The following ARHGAP10 variants were observed in gnomAD, a reference collection of about 807,000 sequenced individuals.
ARHGAP10 encodes the protein Rho GTPase activating protein 10.
A neutral mutation model predicts 108.6 loss-of-function variants in ARHGAP10; 87 were observed. That is an observed-to-expected ratio of 0.80 (90% confidence interval 0.67 to 0.96). ARHGAP10 has a LOEUF of 0.96. Ranked by LOEUF, ARHGAP10 falls within the 40% of genes least tolerant of loss-of-function variation. ARHGAP10 has a pLI of 0.00. For missense variants in ARHGAP10, 939 were observed against 954.5 expected (o/e 0.98, Z 0.21); for synonymous variants, 347 against 341.1 (o/e 1.02, Z -0.19).
chr4:147,755,720 T>A (rs190342863), intron 1 of ARHGAP10, among the ~76,000 whole-genome samples: 33 of 152,300 alleles, frequency 2.2e-4, no homozygotes, highest in Admixed American at 3.3e-4. Flanking sequence ...TTATATAGTG[T>A]AGGTGATATT....
intron 1 of ARHGAP10, among the ~76,000 whole-genome samples, chr4:147,748,006 C>G (rs1173447598): frequency 6.6e-6 from 1 of 152,146 alleles, no homozygotes; most frequent in Non-Finnish European, 1.5e-5. Context: ...GCTAAACACC[C>G]TGCAGTGCAC....
chr4:147,854,592 A>T, intron 4 of ARHGAP10: 1 of 488,818 alleles, frequency 2.0e-6, no homozygotes, highest in Non-Finnish European at 2.7e-6. Flanking sequence ...TTTTTTCTGT[A>T]ATGCAGTATT....
At chr4:148,001,696 A>G (rs371954052) in intron 18 of ARHGAP10, among the ~76,000 whole-genome samples, 3 of 151,838 alleles carry the variant, frequency 2.0e-5, no homozygotes, top group Admixed American at 6.6e-5. Context: ...GAGTTCACTC[A>G]TGATTTGGCT....
chr4:147,902,367 A>G (rs1365603943), intron 10 of ARHGAP10, among the ~76,000 whole-genome samples: 1 of 152,212 alleles, frequency 6.6e-6, no homozygotes, highest in East Asian at 1.9e-4. Context: ...TTAAATCCTT[A>G]GCATGGTGTA....
intron 20 of ARHGAP10, among the ~76,000 whole-genome samples, chr4:148,058,375 G>A (rs1310815287): frequency 6.6e-6 from 1 of 152,186 alleles, no homozygotes; most frequent in African/African-American, 2.4e-5. Context: ...CTTCAAATAA[G>A]CATTCATTTC....
intron 18 of ARHGAP10, among the ~76,000 whole-genome samples, chr4:147,981,740 G>A (rs1259005583): frequency 6.6e-6 from 1 of 152,214 alleles, no homozygotes; most frequent in Non-Finnish European, 1.5e-5. Flanking sequence ...GTGTGCCAGT[G>A]TTGGGTGCAA....
In ARHGAP10 at chr4:148,046,919, A is replaced by G. The variant is rs1420393965; in HGVS notation, c.1895A>G (p.Asp632Gly). 2 of 1,613,760 alleles carry G rather than the reference A, an allele frequency of 1.2e-6. No homozygotes were observed. Among genetic ancestry groups the G allele is most frequent in the Non-Finnish European group, 1.7e-6 (2 of 1,179,944 alleles). Residue 632 changes from aspartate to glycine, a missense_variant, in exon 20 of 23, where the codon GAC (aspartate) becomes GGC (glycine). Physicochemically the swap from Asp to Gly is moderately conservative, Grantham distance 94. Transcript: ENST00000336498. ...GACAATCCTTACCCTTCCAAGGAGG[A>G]CACCCCTACCAGCAGTCTGGACTCA... Reference protein sequence around the residue: ...DGDNPYPSKEDTPTSSLDSLS... With the variant: ...DGDNPYPSKEGTPTSSLDSLS...
At chr4:148,004,675 C>T (rs1216245302) in intron 18 of ARHGAP10, among the ~76,000 whole-genome samples, 1 of 152,194 alleles carries the variant, frequency 6.6e-6, no homozygotes, top group African/African-American at 2.4e-5. Context: ...GCCTTTAGTC[C>T]TGCAACTGCA....
chr4:147,795,666 TTTTA>T (rs1469910198), intron 1 of ARHGAP10, among the ~76,000 whole-genome samples: 3 of 151,500 alleles, frequency 2.0e-5, no homozygotes, highest in Admixed American at 6.6e-5. Context: ...AGCCTCAGAT[TTTTA>T]TTTATTTTTT....
In ARHGAP10 at chr4:147,849,958, G is replaced by A. The variant is rs551174849; in HGVS notation, c.384+2736G>A. Among the ~76,000 whole-genome samples the A allele has an allele frequency of 3.3e-5, 5 of 152,282 alleles. No homozygotes were observed. The East Asian group carries it at 5.8e-4, about 18-fold the overall frequency. ...GAGGTGAAGCCAGCTGGGCTTCTGG[G>A]TCGGGTGGGGACTTGGAGAACTTTT... On this transcript the variant is annotated intron_variant, in intron 4 of 22. Transcript: ENST00000336498.
At chr4:147,870,476 A>G (rs1734770263) in intron 7 of ARHGAP10, among the ~76,000 whole-genome samples, 1 of 152,234 alleles carries the variant, frequency 6.6e-6, no homozygotes, top group Non-Finnish European at 1.5e-5. Context: ...AAAACTTTAT[A>G]ATCAGAAAAA....
At chr4:147,846,870 T>A (rs1733656719) in intron 3 of ARHGAP10, among the ~76,000 whole-genome samples, 1 of 152,216 alleles carries the variant, frequency 6.6e-6, no homozygotes, top group African/African-American at 2.4e-5. Context: ...CCCTTTGTTG[T>A]TTACAGACAG....
intron 1 of ARHGAP10, among the ~76,000 whole-genome samples, chr4:147,763,875 C>T (rs1479224297): frequency 6.6e-6 from 1 of 151,848 alleles, no homozygotes; most frequent in Non-Finnish European, 1.5e-5. Context: ...GTGCCTCAGC[C>T]TCCTGAGTAG....
At chr4:147,754,724 A>G (rs1421811490) in intron 1 of ARHGAP10, among the ~76,000 whole-genome samples, 1 of 152,226 alleles carries the variant, frequency 6.6e-6, no homozygotes, top group Non-Finnish European at 1.5e-5. Context: ...AATAACAGGA[A>G]AAAGACAAAT....
intron 8 of ARHGAP10, among the ~76,000 whole-genome samples, chr4:147,878,737 G>T (rs1735192365): frequency 6.6e-6 from 1 of 151,108 alleles, no homozygotes; most frequent in South Asian, 2.1e-4. Context: ...AAATCTTAGA[G>T]GTTTGTTTCA....
intron 1 of ARHGAP10, among the ~76,000 whole-genome samples, chr4:147,734,686 C>T (rs1012720159): frequency 6.6e-6 from 1 of 152,082 alleles, no homozygotes; most frequent in Non-Finnish European, 1.5e-5. Context: ...CTTTTGCGTC[C>T]AACTTCCCCT....
intron 1 of ARHGAP10, among the ~76,000 whole-genome samples, chr4:147,745,668 T>C (rs1454854946): frequency 6.6e-6 from 1 of 152,098 alleles, no homozygotes; most frequent in Non-Finnish European, 1.5e-5. Context: ...ATTTTTTGTA[T>C]TTTTAGTAGA....
chr4:147,904,024 T>C (rs886935895), intron 10 of ARHGAP10, among the ~76,000 whole-genome samples: 9 of 152,166 alleles, frequency 5.9e-5, no homozygotes, highest in African/African-American at 1.9e-4. Context: ...GTTTTTACTT[T>C]TGTAAGAAAC....
intron 21 of ARHGAP10, 46 bp downstream of exon 21, chr4:148,063,346 A>C: frequency 6.2e-7 from 1 of 1,610,286 alleles, no homozygotes; most frequent in Non-Finnish European, 8.5e-7. Context: ...CAGCACACAC[A>C]GGGGGCTTGA....
Sources: allele counts gnomAD v4.1 joint callset (sites outside exome capture counted in the v4.1 genomes callset), GRCh38; gene constraint gnomAD v4.1.1; transcripts MANE v1.5; gene names NCBI Gene and HGNC (gene_info 2026-07-23, HGNC 2026-07-21).